The following CREB3L2 variants were observed in gnomAD, a reference collection of about 807,000 sequenced individuals.
CREB3L2 encodes the protein cAMP responsive element binding protein 3 like 2.
Under a neutral mutation model 57.2 loss-of-function variants are expected in CREB3L2, and 23 were observed. The observed-to-expected ratio is 0.40, with a 90% CI of 0.29 to 0.57. CREB3L2 has a LOEUF of 0.57. CREB3L2 is among the 20% of genes least tolerant of loss of function. CREB3L2 has a pLI of 0.42. For synonymous variants in CREB3L2, 268 were observed against 265.1 expected, an observed-to-expected ratio of 1.01 and a Z score of -0.11; for missense variants, 628 against 634.7, an observed-to-expected ratio of 0.99 and a Z score of 0.11.
At chr7:137,908,192 C>G (rs1259890393) in intron 5 of CREB3L2, 60 bp downstream of exon 5, 3 of 1,143,218 alleles carry the variant, frequency 2.6e-6, no homozygotes, top group African/African-American at 3.2e-5. Context: ...CTGGATACAG[C>G]CCCAGGGGAA....
chr7:137,885,512 A>G lies in CREB3L2; in HGVS notation c.1044-10T>C, dbSNP rs756543292. The G allele has an allele frequency of 6.2e-7, 1 of 1,604,276 alleles. No individual in the cohort carries two copies. Among genetic ancestry groups the G allele is most frequent in the Admixed American group, 1.7e-5 (1 of 59,992 alleles). ...TTGCTGAAGGAGAGTCCTGCCAATG[A>G]TAACAACAGCCGTGAGGGGAGTCTG... On this transcript the variant is annotated splice_polypyrimidine_tract_variant and intron_variant, in intron 8 of 11. Transcript: ENST00000330387.
intron 1 of CREB3L2, among the ~76,000 whole-genome samples, chr7:137,952,100 TA>T (rs1801113753): frequency 6.6e-6 from 1 of 152,192 alleles, no homozygotes. Context: ...AATTTAAAAA[TA>T]AAATTTCAAA....
chr7:137,927,515 C>A (rs1254430283), intron 2 of CREB3L2, among the ~76,000 whole-genome samples: 1 of 151,778 alleles, frequency 6.6e-6, no homozygotes, highest in African/African-American at 2.4e-5. Flanking sequence ...GATATATATG[C>A]CTTGGAGAGT....
In CREB3L2 at chr7:137,905,756, C is replaced by G; in HGVS notation, c.861G>C (p.Leu287=). The G allele has an allele frequency of 1.2e-6, 2 of 1,614,148 alleles. No individual in the cohort carries two copies. Among genetic ancestry groups the G allele is most frequent in the Non-Finnish European group, 1.7e-6 (2 of 1,179,990 alleles). The stretch of plus-strand genomic sequence containing the variant: ...TCAGGGCCTTCTCCTCTGATTTTGA[C>G]AGGGGCAATTTGGTGGGGATGGGAT... ...EGYPIPTKLP[L]SKSEEKALKK... The change falls in exon 6 of 12, where the codon CTG becomes CTC. Residue 287 remains leucine, a synonymous_variant. Coordinates refer to ENST00000330387, the MANE Select transcript of CREB3L2 (RefSeq NM_194071.4).
chr7:137,961,599 G>A (rs1321321405), intron 1 of CREB3L2, among the ~76,000 whole-genome samples: 4 of 152,038 alleles, frequency 2.6e-5, no homozygotes, highest in African/African-American at 4.8e-5. Context: ...GTCATTTTGG[G>A]GGTCCCTCCC....
intron 1 of CREB3L2, among the ~76,000 whole-genome samples, chr7:137,936,322 G>C (rs17275136): frequency 0.091 from 13,849 of 152,216 alleles, 932 homozygotes; most frequent in Admixed American, 0.22. Context: ...TTTGTGCACA[G>C]GCTAACAGAA....
At chr7:137,996,900 T>C (rs915333026) in intron 1 of CREB3L2, among the ~76,000 whole-genome samples, 6 of 152,254 alleles carry the variant, frequency 3.9e-5, no homozygotes, top group Non-Finnish European at 7.3e-5. Context: ...TTAGTTTTTA[T>C]GATACACTTT....
At chr7:137,955,338 T>G in intron 1 of CREB3L2, 2 of 1,288,490 alleles carry the variant, frequency 1.6e-6, no homozygotes, top group Non-Finnish European at 2.0e-6. Flanking sequence ...CCTGGTTTGG[T>G]AAGCACCACA....
At chr7:137,975,097 C>A (rs1801582965) in intron 1 of CREB3L2, among the ~76,000 whole-genome samples, 2 of 152,230 alleles carry the variant, frequency 1.3e-5, no homozygotes, top group African/African-American at 4.8e-5. Flanking sequence ...ATATGAATAT[C>A]TTTTATAAAC....
At chr7:137,994,547 T>C (rs538049905) in intron 1 of CREB3L2, among the ~76,000 whole-genome samples, 59 of 152,316 alleles carry the variant, frequency 3.9e-4, no homozygotes, top group Admixed American at 1.3e-3. Flanking sequence ...AATCTCCTCC[T>C]GGCTCCCACC....
intron 1 of CREB3L2, among the ~76,000 whole-genome samples, chr7:137,972,736 T>G (rs12668242): frequency 0.028 from 628 of 22,266 alleles, 17 homozygotes; most frequent in Middle Eastern, 0.14. Flanking sequence ...TATATATATA[T>G]AGAGAGAGAG....
chr7:137,887,776 A>C (rs1799453512), intron 8 of CREB3L2, among the ~76,000 whole-genome samples: 1 of 152,012 alleles, frequency 6.6e-6, no homozygotes, highest in Non-Finnish European at 1.5e-5. Context: ...AGTGATTTTA[A>C]TTTAAGCAAC....
At chr7:137,990,102 A>C (rs146219677) in intron 1 of CREB3L2, among the ~76,000 whole-genome samples, 1 of 152,336 alleles carries the variant, frequency 6.6e-6, no homozygotes, top group East Asian at 1.9e-4. Flanking sequence ...CTTACAAAAG[A>C]ATGTCCAAGT....
intron 8 of CREB3L2, among the ~76,000 whole-genome samples, chr7:137,901,060 A>G (rs1051659468): frequency 6.6e-6 from 1 of 152,206 alleles, no homozygotes; most frequent in Non-Finnish European, 1.5e-5. Flanking sequence ...AAGAATATGC[A>G]TGTATGTGTA....
At chr7:137,885,855 T>C (rs1799407024) in intron 8 of CREB3L2, among the ~76,000 whole-genome samples, 1 of 152,160 alleles carries the variant, frequency 6.6e-6, no homozygotes, top group Non-Finnish European at 1.5e-5. Context: ...GTCAGAATGG[T>C]TGTGTCTCTC....
intron 9 of CREB3L2, 120 bp from the exon 10 acceptor site, chr7:137,885,241 C>G (rs772204031): frequency 6.4e-5 from 80 of 1,251,976 alleles, no homozygotes; most frequent in Non-Finnish European, 8.4e-5. Context: ...CTGCACCCAC[C>G]AGTCACATCA....
At chr7:137,967,022 T>G (rs2117293962) in intron 1 of CREB3L2, among the ~76,000 whole-genome samples, 1 of 152,352 alleles carries the variant, frequency 6.6e-6, no homozygotes, top group South Asian at 2.1e-4. Flanking sequence ...AGTGCCCTTA[T>G]AAGAACAGCC....
rs547069221 is a variant in CREB3L2, at chr7:137,912,205, C to T, written c.583+786G>A. ...CAGCCTGACCAATGTGGCAAAACCT[C>T]GTCTCTACTAAAAATACCAAAATTA... On this transcript the variant is annotated intron_variant, in intron 4 of 11. Coordinates refer to ENST00000330387, the MANE Select transcript of CREB3L2 (RefSeq NM_194071.4). 5.3e-5 allele frequency among the ~76,000 whole-genome samples: 8 copies of T among 151,972 alleles called. No individual in the cohort carries two copies. In the South Asian group the frequency reaches 8.3e-4, roughly 16 times the overall value.
chr7:138,001,535 C>A lies in CREB3L2; in HGVS notation c.102+69G>T. ...CCTGCCTTCCCGGGTCCCAGGACTC[C>A]AGCTGCTCCTCGCGTGACAACACTT... is the stretch of plus-strand genomic sequence containing the variant. On this transcript the variant is annotated intron_variant, in intron 1 of 11. Coordinates refer to ENST00000330387, the MANE Select transcript of CREB3L2 (RefSeq NM_194071.4). This position sits in a 1 kb window ranked among gnomAD's most constrained non-coding sequence, Gnocchi z 4.2. 2 of 1,229,496 alleles carry A rather than the reference C, an allele frequency of 1.6e-6. No homozygotes were observed. Among genetic ancestry groups the A allele is most frequent in the South Asian group, 1.4e-5 (1 of 73,058 alleles). The allele number at this position is 1,229,496 out of a possible 1,614,324, so 76.2% of individuals were successfully genotyped here. A position where few individuals can be genotyped will look rare whatever the true frequency, so the allele number is the denominator to read the frequency against.
Sources: allele counts gnomAD v4.1 joint callset (sites outside exome capture counted in the v4.1 genomes callset), GRCh38; gene constraint gnomAD v4.1.1; non-coding constraint Gnocchi (gnomAD v3.1); transcripts MANE v1.5; gene names NCBI Gene and HGNC (gene_info 2026-07-23, HGNC 2026-07-21).